Variants in FHIT observed in about 807,000 individuals in gnomAD.
FHIT encodes fragile histidine triad diadenosine triphosphatase.
In FHIT, 19 loss-of-function variants were observed where a neutral mutation model predicts 17.9. The ratio of observed to expected loss-of-function variants is 1.06; its 90% CI spans 0.74 to 1.56. The LOEUF (loss-of-function observed/expected upper bound fraction) is 1.56. Among genes scored for constraint, FHIT ranks in the 40% most tolerant of loss-of-function variants. FHIT has a pLI of 0.00. For synonymous variants in FHIT, 81 were observed against 69.7 expected (o/e 1.16, Z -0.81); for missense variants, 248 against 189.2 (o/e 1.31, Z -1.82).
At chr3:60,520,962 G>C (rs146319688) in intron 5 of FHIT, among the ~76,000 whole-genome samples, 97 of 150,958 alleles carry the variant, frequency 6.4e-4, no homozygotes, top group African/African-American at 2.3e-3. Context: ...CCTCATAGAA[G>C]AGAAAAAAAA....
In FHIT at chr3:60,198,845, C is replaced by T. The variant is rs115845086; in HGVS notation, c.104-184693G>A. On this transcript the variant is annotated intron_variant, in intron 5 of 9. Coordinates refer to ENST00000492590, the MANE Select transcript of FHIT (RefSeq NM_002012.4). ...TGCATTTGCACCAGTGTAAAGGTAA[C>T]GAATTGTCTCACAAGGAATGAAGGC... Among the ~76,000 whole-genome samples the T allele has an allele frequency of 7.9e-3, 1,202 of 152,216 alleles. 6 individuals are homozygous for T. The highest frequency in any genetic ancestry group is 0.013 in the Non-Finnish European group (918 of 68,020).
chr3:60,477,126 G>A (rs924232518), intron 5 of FHIT, among the ~76,000 whole-genome samples: 6 of 151,754 alleles, frequency 4.0e-5, no homozygotes, highest in Admixed American at 3.9e-4. Flanking sequence ...AATAAGCAAT[G>A]AATTAAAAGC....
intron 5 of FHIT, among the ~76,000 whole-genome samples, chr3:60,361,082 A>G (rs919431560): frequency 6.6e-6 from 1 of 152,194 alleles, no homozygotes; most frequent in East Asian, 1.9e-4. Context: ...CCTACTACTC[A>G]GTGATATATT....
chr3:60,803,230 C>T (rs1701258399), intron 4 of FHIT, among the ~76,000 whole-genome samples: 1 of 152,142 alleles, frequency 6.6e-6, no homozygotes, highest in African/African-American at 2.4e-5. Flanking sequence ...GTTAAAGTGA[C>T]CAGGGCCTGG....
intron 8 of FHIT, among the ~76,000 whole-genome samples, chr3:59,837,062 C>T (rs1165103302): frequency 1.6e-4 from 24 of 152,128 alleles, no homozygotes; most frequent in Non-Finnish European, 2.9e-5. Context: ...AAAAAGAGTT[C>T]AGTTTTTTGG....
chr3:60,930,872 C>T (rs1294143570), intron 3 of FHIT, among the ~76,000 whole-genome samples: 3 of 152,178 alleles, frequency 2.0e-5, no homozygotes, highest in Non-Finnish European at 4.4e-5. Flanking sequence ...TGGGTATATA[C>T]CCAAAGATTA....
chr3:60,696,811 A>G (rs1182010971), intron 4 of FHIT, among the ~76,000 whole-genome samples: 1 of 152,206 alleles, frequency 6.6e-6, no homozygotes, highest in Non-Finnish European at 1.5e-5. Flanking sequence ...CTTAGGTTGA[A>G]GATGTGATTT....
intron 5 of FHIT, among the ~76,000 whole-genome samples, chr3:60,429,717 G>A (rs566284291): frequency 5.9e-5 from 9 of 152,138 alleles, no homozygotes; most frequent in East Asian, 1.9e-4. Context: ...AGAATAAAAG[G>A]TTACTAGTTG....
chr3:60,879,408 C>T (rs1353981251), intron 3 of FHIT, among the ~76,000 whole-genome samples: 1 of 152,186 alleles, frequency 6.6e-6, no homozygotes, highest in South Asian at 2.1e-4. Context: ...GATCCAACTA[C>T]AGGTGAAAGT....
intron 1 of FHIT, among the ~76,000 whole-genome samples, chr3:61,219,084 G>C (rs1358227634): frequency 1.3e-5 from 2 of 152,122 alleles, no homozygotes; most frequent in African/African-American, 4.8e-5. Flanking sequence ...GACCTGTAAA[G>C]CATGTTACTG....
intron 3 of FHIT, among the ~76,000 whole-genome samples, chr3:61,008,092 CTTA>C (rs2031566419): frequency 6.6e-6 from 1 of 152,208 alleles, no homozygotes; most frequent in African/African-American, 2.4e-5. Flanking sequence ...AGAGCCCTCT[CTTA>C]CTAATCACCT....
intron 4 of FHIT, among the ~76,000 whole-genome samples, chr3:60,556,259 T>G (rs950925204): frequency 6.6e-6 from 1 of 152,128 alleles, no homozygotes; most frequent in African/African-American, 2.4e-5. Flanking sequence ...TTAAGTGACA[T>G]CTATAAAGTT....
intron 5 of FHIT, among the ~76,000 whole-genome samples, chr3:60,491,128 T>C (rs1455310711): frequency 1.3e-5 from 2 of 152,112 alleles, no homozygotes; most frequent in East Asian, 3.8e-4. Flanking sequence ...AAAAGACCTA[T>C]TAAATAAGCT....
chr3:60,533,605 G>C (rs913983917), intron 5 of FHIT, among the ~76,000 whole-genome samples: 2 of 152,112 alleles, frequency 1.3e-5, no homozygotes, highest in Admixed American at 1.3e-4. Context: ...GTTTTGTTTT[G>C]TTTTCTTCCC....
intron 4 of FHIT, among the ~76,000 whole-genome samples, chr3:60,804,715 C>G (rs1350908161): frequency 1.3e-5 from 2 of 152,204 alleles, no homozygotes; most frequent in Non-Finnish European, 2.9e-5. Context: ...TCCCTGTAAA[C>G]TTCTAGAGAT....
At chr3:60,638,641 G>C (rs2039649659) in intron 4 of FHIT, among the ~76,000 whole-genome samples, 1 of 151,960 alleles carries the variant, frequency 6.6e-6, no homozygotes, top group Non-Finnish European at 1.5e-5. Flanking sequence ...CAAAGTTCAG[G>C]AATCTTTTCA....
intron 7 of FHIT, among the ~76,000 whole-genome samples, chr3:60,007,505 T>G (rs1699971243): frequency 1.3e-5 from 2 of 152,076 alleles, no homozygotes; most frequent in Admixed American, 1.3e-4. Flanking sequence ...ATCATTCTCT[T>G]CCCCACACAA....
At chr3:60,274,615 C>G (rs1433581889) in intron 5 of FHIT, among the ~76,000 whole-genome samples, 2 of 152,132 alleles carry the variant, frequency 1.3e-5, no homozygotes, top group Non-Finnish European at 2.9e-5. Context: ...ACAGCAACAA[C>G]AAGAAGTGGT....
Position 60,756,308 on chromosome 3 carries a change from CT to C in FHIT, c.-18+65610del, listed in dbSNP as rs1310264565. ...TGAGTATTGTACAAGGTTTCAATGC[CT>C]TTTTTTTCCAACTCACATTGTCCCT... is the stretch of plus-strand genomic sequence containing the variant. On this transcript the variant is annotated intron_variant, in intron 4 of 9. Coordinates refer to ENST00000492590, the MANE Select transcript of FHIT (RefSeq NM_002012.4). 5.9e-5 allele frequency among the ~76,000 whole-genome samples: 9 copies of C among 152,008 alleles called. No homozygotes were observed. The East Asian group carries it at 1.4e-3, about 23-fold the overall frequency.
Sources: gnomAD v4.1 joint callset for allele counts (sites outside exome capture counted in the v4.1 genomes callset) on GRCh38, gnomAD v4.1.1 for gene constraint, MANE v1.5 for transcripts, NCBI Gene and HGNC (gene_info 2026-07-23, HGNC 2026-07-21) for gene names.